The following PCM1 variants were observed in gnomAD, a reference collection of about 807,000 sequenced individuals.
PCM1 encodes the protein pericentriolar material 1, also known as pericentriolar material 1 protein.
Under a neutral mutation model 241.9 loss-of-function variants are expected in PCM1, and 157 were observed. That is an observed-to-expected ratio of 0.65 (90% CI 0.57 to 0.74). PCM1 has a LOEUF of 0.74. PCM1 is among the 30% of genes least tolerant of loss of function. PCM1 has a pLI of 0.00. For synonymous variants in PCM1, 1,085 were observed against 784.9 expected, an observed-to-expected ratio of 1.38 and a Z score of -6.39; for missense variants, 3,478 against 2,360.1, an observed-to-expected ratio of 1.47 and a Z score of -9.81.
intron 38 of PCM1, among the ~76,000 whole-genome samples, chr8:18,025,904 C>A (rs1310744532): frequency 1.3e-5 from 2 of 151,944 alleles, no homozygotes; most frequent in African/African-American, 2.4e-5. Flanking sequence ...GTGGCTCACG[C>A]CTGTAATCCC....
At chr8:18,026,343 C>T (rs1236736789) in intron 38 of PCM1, among the ~76,000 whole-genome samples, 20 of 148,064 alleles carry the variant, frequency 1.4e-4, no homozygotes, top group East Asian at 4.1e-4. Flanking sequence ...CAAGCTCCTC[C>T]GCCTCCCAGG....
chr8:17,937,458 A>G (rs2060743746), intron 4 of PCM1, 79 bp downstream of exon 4: 8 of 1,282,266 alleles, frequency 6.2e-6, no homozygotes, highest in Admixed American at 6.3e-5. Context: ...TCTTAGGAAT[A>G]AAAAATTGAG....
intron 24 of PCM1, chr8:17,983,247 A>G (rs1161207935): frequency 7.6e-7 from 1 of 1,322,976 alleles, no homozygotes. Context: ...TGCTAGGAGA[A>G]TACTACAGCA....
At chr8:17,965,863 A>T (rs2074684463) in intron 18 of PCM1, 136 bp from the exon 19 acceptor site, 2 of 595,968 alleles carry the variant, frequency 3.4e-6, no homozygotes, top group East Asian at 5.7e-5. Context: ...CCCCCTCTAT[A>T]TTTTTTAATA....
Position 17,937,327 on chromosome 8 carries a change from A to C in PCM1, c.290A>C (p.Gln97Pro). 6.2e-7 allele frequency: 1 copy of C among 1,608,056 alleles called. No homozygotes were observed. Among genetic ancestry groups the C allele is most frequent in the East Asian group, 2.2e-5 (1 of 44,816 alleles). Residue 97 changes from glutamine (Q) to proline (P), a missense_variant, in exon 4 of 39, where the codon CAG becomes CCG. Gln to Pro is a moderately conservative substitution (Grantham distance 76). Transcript: ENST00000325083. Reference sequence around the variant, plus strand: ...ATGAGTCAGATGTCTGTCCCAGAGCAGGCAGAATTAGAGAAACTGAAACAG... The same window carrying C: ...ATGAGTCAGATGTCTGTCCCAGAGCCGGCAGAATTAGAGAAACTGAAACAG... ...RYMSQMSVPE[Q>P]AELEKLKQRI... is the part of the protein sequence containing the mutation.
chr8:17,940,276 C>A (rs1278520190), intron 6 of PCM1: 1 of 587,628 alleles, frequency 1.7e-6, no homozygotes, highest in Non-Finnish European at 3.0e-6. Context: ...AGGGAAGAAC[C>A]CCTCAAATTG....
chr8:18,016,192 A>AATTTT (rs1158008750), intron 36 of PCM1, among the ~76,000 whole-genome samples: 6 of 152,036 alleles, frequency 3.9e-5, no homozygotes, highest in African/African-American at 1.4e-4. Context: ...CCAGCTGGGT[A>AATTTT]ATTTTATTTT....
At chr8:18,016,090 G>T (rs548891732) in intron 36 of PCM1, among the ~76,000 whole-genome samples, 4 of 152,036 alleles carry the variant, frequency 2.6e-5, no homozygotes, top group Non-Finnish European at 5.9e-5. Context: ...GGGTTTCACC[G>T]TGTTAGCCAG....
chr8:17,970,796 A>T (rs1017937968), intron 22 of PCM1, among the ~76,000 whole-genome samples: 14 of 152,162 alleles, frequency 9.2e-5, no homozygotes, highest in Non-Finnish European at 1.6e-4. Context: ...CATTTTTAGG[A>T]TGGATCTGAA....
chr8:17,988,997 C>T (rs763917924), intron 26 of PCM1, among the ~76,000 whole-genome samples: 1 of 151,934 alleles, frequency 6.6e-6, no homozygotes, highest in Non-Finnish European at 1.5e-5. Flanking sequence ...AAAACACTTG[C>T]ACATTAATGT....
intron 6 of PCM1, chr8:17,940,125 C>T: frequency 6.4e-7 from 1 of 1,562,626 alleles, no homozygotes; most frequent in South Asian, 1.2e-5. Context: ...CATCGCTAAA[C>T]ATAGATGTGC....
At chr8:17,951,210 T>C (rs1323046506) in intron 8 of PCM1, among the ~76,000 whole-genome samples, 3 of 152,198 alleles carry the variant, frequency 2.0e-5, no homozygotes, top group African/African-American at 7.2e-5. Context: ...TTGATGCACT[T>C]TGTAAGTGAT....
chr8:17,939,050 C>T (rs767179868), intron 5 of PCM1, 41 bp downstream of exon 5: 2 of 1,598,244 alleles, frequency 1.3e-6, no homozygotes, highest in East Asian at 2.2e-5. Flanking sequence ...TTACACAAAC[C>T]TCAAAATACC....
intron 24 of PCM1, among the ~76,000 whole-genome samples, chr8:17,982,376 G>GA (rs2081157110): frequency 6.6e-6 from 1 of 151,986 alleles, no homozygotes; most frequent in Non-Finnish European, 1.5e-5. Flanking sequence ...ATTGGACATA[G>GA]TACTTCAGGC....
At chr8:17,929,532 A>T (rs2129446646) in intron 2 of PCM1, among the ~76,000 whole-genome samples, 1 of 152,286 alleles carries the variant, frequency 6.6e-6, no homozygotes, top group African/African-American at 2.4e-5. Flanking sequence ...CTAAAACTTG[A>T]ACTCATCATC....
chr8:18,029,767 A>C lies in PCM1; in HGVS notation c.*2105A>C, dbSNP rs1283956168. Reference sequence around the variant, plus strand: ...ATTTGTCCTAATTTTGAAGTTAAAAATTTTGGTTACAGATAGATAGAGGGA... The same window carrying C: ...ATTTGTCCTAATTTTGAAGTTAAAACTTTTGGTTACAGATAGATAGAGGGA... On this transcript the variant is annotated 3_prime_UTR_variant, in exon 39 of 39. Transcript: ENST00000325083. 2 of 195,430 alleles carry C rather than the reference A, an allele frequency of 1.0e-5. No individual in the cohort carries two copies. Among genetic ancestry groups the C allele is most frequent in the Non-Finnish European group, 2.1e-5 (2 of 94,062 alleles). 12.1% of individuals were successfully genotyped at this position (195,430 alleles called of 1,614,324 possible).
chr8:17,997,448 C>G (rs542329561), intron 29 of PCM1, among the ~76,000 whole-genome samples: 1 of 152,116 alleles, frequency 6.6e-6, no homozygotes, highest in Admixed American at 6.5e-5. Context: ...CTCTGTCTCT[C>G]TCTACCCCCT....
At position 17,960,290 on chromosome 8, in the gene PCM1, AAATAT is replaced by A. The variant is rs1191414478; in HGVS notation, c.2193-21_2193-17del. The A allele has an allele frequency of 1.3e-6, 2 of 1,590,868 alleles. No homozygotes were observed. The highest frequency in any genetic ancestry group is 4.5e-5 in the East Asian group (2 of 44,734). On this transcript the variant is annotated intron_variant, in intron 14 of 38. Coordinates refer to ENST00000325083, the MANE Select transcript of PCM1 (RefSeq NM_006197.4). ...TTCATCACATTTTATTGGAGTCCAT[AAATAT>A]AATGTCAATTTAATTGTAGAGAGAA...
chr8:18,015,790 CCA>C (rs1476684030), intron 36 of PCM1: 2 of 152,206 alleles, frequency 1.3e-5, no homozygotes, highest in African/African-American at 4.8e-5. Flanking sequence ...CAAAAGGTGT[CCA>C]TTGTGCTCAC....
Sources: gnomAD v4.1 joint callset for allele counts (sites outside exome capture counted in the v4.1 genomes callset) on GRCh38, gnomAD v4.1.1 for gene constraint, MANE v1.5 for transcripts, NCBI Gene and HGNC (gene_info 2026-07-23, HGNC 2026-07-21) for gene names.